The following ST6GALNAC3 variants were observed in gnomAD, a reference collection of about 807,000 sequenced individuals.
ST6GALNAC3 encodes ST6 N-acetylgalactosaminide alpha-2,6-sialyltransferase 3.
In ST6GALNAC3, 25 loss-of-function variants were observed where a neutral mutation model predicts 32.7. The observed-to-expected ratio is 0.76, with a 90% CI of 0.56 to 1.07. ST6GALNAC3 has a LOEUF of 1.07. ST6GALNAC3 is among the 50% of genes least tolerant of loss of function. ST6GALNAC3 has a pLI of 0.00. For missense variants in ST6GALNAC3, 355 were observed against 382.4 expected (o/e 0.93, Z 0.60); for synonymous variants, 129 against 133.1 (o/e 0.97, Z 0.21).
intron 3 of ST6GALNAC3, among the ~76,000 whole-genome samples, chr1:76,475,780 C>T (rs1269513612): frequency 6.6e-6 from 1 of 152,152 alleles, no homozygotes; most frequent in African/African-American, 2.4e-5. Context: ...ATACACGTGG[C>T]ATGGTGGTTT....
intron 1 of ST6GALNAC3, among the ~76,000 whole-genome samples, chr1:76,256,755 T>G (rs1450940741): frequency 6.6e-6 from 1 of 151,720 alleles, no homozygotes; most frequent in Non-Finnish European, 1.5e-5. Context: ...TCCTTTTTGG[T>G]CTTCAGGAGA....
chr1:76,584,823 T>G (rs1646937719), intron 3 of ST6GALNAC3, among the ~76,000 whole-genome samples: 1 of 152,216 alleles, frequency 6.6e-6, no homozygotes, highest in Admixed American at 6.5e-5. Flanking sequence ...ATTGACCTAT[T>G]TTGTCCGATG....
chr1:76,142,628 G>A (rs1570164214), intron 1 of ST6GALNAC3, among the ~76,000 whole-genome samples: 1 of 152,310 alleles, frequency 6.6e-6, no homozygotes, highest in South Asian at 2.1e-4. Context: ...TTGACATCAT[G>A]AGTTGCATAA....
intron 3 of ST6GALNAC3, among the ~76,000 whole-genome samples, chr1:76,561,447 T>A (rs1417537578): frequency 6.6e-6 from 1 of 152,158 alleles, no homozygotes; most frequent in Non-Finnish European, 1.5e-5. Context: ...CAATGTAATT[T>A]AAAAATTTGT....
chr1:76,555,046 C>T (rs1018192547), intron 3 of ST6GALNAC3, among the ~76,000 whole-genome samples: 1 of 151,964 alleles, frequency 6.6e-6, no homozygotes, highest in Admixed American at 6.6e-5. Context: ...GGAAACAGAC[C>T]AGTTGATTAT....
At chr1:76,440,952 G>A (rs1656536975) in intron 3 of ST6GALNAC3, among the ~76,000 whole-genome samples, 1 of 152,030 alleles carries the variant, frequency 6.6e-6, no homozygotes, top group South Asian at 2.1e-4. Context: ...GCTGGGCATG[G>A]TGGGGTGTGC....
intron 2 of ST6GALNAC3, among the ~76,000 whole-genome samples, chr1:76,394,278 G>A (rs1652778863): frequency 6.6e-6 from 1 of 152,110 alleles, no homozygotes; most frequent in Non-Finnish European, 1.5e-5. Flanking sequence ...CTAGAAACTG[G>A]TTCTTTTATA....
chr1:76,197,466 G>A (rs193034914), intron 1 of ST6GALNAC3, among the ~76,000 whole-genome samples: 7 of 151,868 alleles, frequency 4.6e-5, no homozygotes, highest in African/African-American at 1.7e-4. Flanking sequence ...TTGGGCTGAA[G>A]GGGGGATCTA....
chr1:76,108,053 G>T (rs944875934), intron 1 of ST6GALNAC3, among the ~76,000 whole-genome samples: 8 of 152,158 alleles, frequency 5.3e-5, no homozygotes, highest in African/African-American at 1.9e-4. Context: ...AGTAATGTTT[G>T]CTGTAAGAGG....
At chr1:76,314,069 G>C (rs1312523075) in intron 2 of ST6GALNAC3, 70 bp downstream of exon 2, 1 of 1,477,354 alleles carries the variant, frequency 6.8e-7, no homozygotes, top group Admixed American at 2.1e-5. Flanking sequence ...AGGAGCCAGA[G>C]GGCTTCCAAC....
At chr1:76,626,088 A>G (rs979408221) in intron 3 of ST6GALNAC3, among the ~76,000 whole-genome samples, 3 of 151,896 alleles carry the variant, frequency 2.0e-5, no homozygotes, top group Non-Finnish European at 2.9e-5. Flanking sequence ...AGTGCCTGTT[A>G]AAAAGAAGCA....
At chr1:76,608,889 T>G (rs560876079) in intron 3 of ST6GALNAC3, among the ~76,000 whole-genome samples, 159 of 152,222 alleles carry the variant, frequency 1.0e-3, no homozygotes, top group Non-Finnish European at 1.7e-3. Flanking sequence ...GTCCTCCCAT[T>G]TAGTAAAACT....
intron 3 of ST6GALNAC3, among the ~76,000 whole-genome samples, chr1:76,513,230 C>G (rs1408829130): frequency 6.6e-6 from 1 of 152,002 alleles, no homozygotes; most frequent in African/African-American, 2.4e-5. Context: ...TAAAGCATTC[C>G]CCCTATGTTT....
At chr1:76,332,203 A>T (rs1215725827) in intron 2 of ST6GALNAC3, among the ~76,000 whole-genome samples, 1 of 152,094 alleles carries the variant, frequency 6.6e-6, no homozygotes, top group Non-Finnish European at 1.5e-5. Flanking sequence ...GTTGGCTCAG[A>T]TGTCTTGTGG....
chr1:76,307,440 A>G (rs947396343), intron 1 of ST6GALNAC3, among the ~76,000 whole-genome samples: 1 of 152,156 alleles, frequency 6.6e-6, no homozygotes, highest in African/African-American at 2.4e-5. Flanking sequence ...CATATTGATG[A>G]GACAACTTTT....
chr1:76,265,922 G>T (rs564684781), intron 1 of ST6GALNAC3, among the ~76,000 whole-genome samples: 1 of 152,296 alleles, frequency 6.6e-6, no homozygotes, highest in South Asian at 2.1e-4. Flanking sequence ...GACTGGTTAG[G>T]ACCTAGGAAT....
chr1:76,530,100 A>G (rs1487399763), intron 3 of ST6GALNAC3, among the ~76,000 whole-genome samples: 1 of 152,234 alleles, frequency 6.6e-6, no homozygotes, highest in African/African-American at 2.4e-5. Context: ...ATCCTAACCT[A>G]TGATTATTCA....
At chr1:76,572,870 A>C (rs1201643425) in intron 3 of ST6GALNAC3, among the ~76,000 whole-genome samples, 1 of 152,124 alleles carries the variant, frequency 6.6e-6, no homozygotes, top group African/African-American at 2.4e-5. Context: ...AGGAGAGAAG[A>C]AGATACCATT....
chr1:76,137,594 A>C (rs939171730), intron 1 of ST6GALNAC3, among the ~76,000 whole-genome samples: 1 of 152,244 alleles, frequency 6.6e-6, no homozygotes, highest in Non-Finnish European at 1.5e-5. Context: ...CAAGGAGATT[A>C]TGATTTAATA....
Sources: gnomAD v4.1 joint callset for allele counts (sites outside exome capture counted in the v4.1 genomes callset) on GRCh38, gnomAD v4.1.1 for gene constraint, MANE v1.5 for transcripts, NCBI Gene and HGNC (gene_info 2026-07-23, HGNC 2026-07-21) for gene names.